ADGRL2: variants seen among roughly 807,000 people sequenced by gnomAD.
ADGRL2 encodes calcium-independent alpha-latrotoxin receptor 2.
A neutral mutation model predicts 157.4 loss-of-function variants in ADGRL2; 44 were observed. The ratio of observed to expected loss-of-function variants is 0.28; its 90% CI spans 0.22 to 0.36. The LOEUF (loss-of-function observed/expected upper bound fraction) is 0.36. Ranked by LOEUF, ADGRL2 falls within the 10% of genes least tolerant of loss-of-function variation. The pLI is 1.00. For missense variants in ADGRL2, 1,510 were observed against 1,768.9 expected (o/e 0.85, Z 2.63); for synonymous variants, 585 against 624.7 (o/e 0.94, Z 0.95).
intron 3 of ADGRL2, among the ~76,000 whole-genome samples, chr1:81,600,173 G>A (rs1036368277): frequency 6.6e-6 from 1 of 152,182 alleles, no homozygotes; most frequent in African/African-American, 2.4e-5. Context: ...TTGTACTTAA[G>A]ATGTCCAGCC....
intron 3 of ADGRL2, chr1:81,596,055 C>G (rs539734911): frequency 9.0e-6 from 3 of 332,054 alleles, no homozygotes; most frequent in East Asian, 1.4e-4. Context: ...ACCTAGTCAC[C>G]TACTGAAAGT....
At chr1:81,628,597 G>A (rs1424316328) in intron 3 of ADGRL2, among the ~76,000 whole-genome samples, 2 of 152,122 alleles carry the variant, frequency 1.3e-5, no homozygotes, top group Admixed American at 6.5e-5. Flanking sequence ...CCATGAGCAA[G>A]CCCTAAACTA....
intron 2 of ADGRL2, among the ~76,000 whole-genome samples, chr1:81,544,793 T>A (rs1388560527): frequency 6.6e-6 from 1 of 152,196 alleles, no homozygotes; most frequent in African/African-American, 2.4e-5. Flanking sequence ...TACATTTTTT[T>A]AAGCAAGATC....
intron 3 of ADGRL2, among the ~76,000 whole-genome samples, chr1:81,912,873 G>A (rs2094765163): frequency 6.6e-6 from 1 of 152,124 alleles, no homozygotes; most frequent in Admixed American, 6.6e-5. Context: ...GCCTTGCATA[G>A]ACCAGCAGGA....
chr1:81,753,459 G>A (rs1370558178), intron 1 of ADGRL2, among the ~76,000 whole-genome samples: 1 of 152,078 alleles, frequency 6.6e-6, no homozygotes, highest in Non-Finnish European at 1.5e-5. Context: ...ATGAGATTTG[G>A]GTGGAGACAC....
At chr1:81,968,971 T>A (rs994677186) in intron 14 of ADGRL2, among the ~76,000 whole-genome samples, 12 of 152,212 alleles carry the variant, frequency 7.9e-5, no homozygotes, top group Non-Finnish European at 1.6e-4. Flanking sequence ...CTCTCATAGA[T>A]CATTTTTTAA....
At chr1:81,444,790 T>A (rs917593594) in intron 1 of ADGRL2, among the ~76,000 whole-genome samples, 1 of 152,200 alleles carries the variant, frequency 6.6e-6, no homozygotes, top group Non-Finnish European at 1.5e-5. Context: ...GTTCCAGGAA[T>A]CGTTTTAGAT....
At chr1:81,406,557 C>A (rs577326305) in intron 1 of ADGRL2, among the ~76,000 whole-genome samples, 1 of 152,330 alleles carries the variant, frequency 6.6e-6, no homozygotes, top group South Asian at 2.1e-4. Context: ...ACGCAGCCAT[C>A]CATCCAGCCT....
At position 81,971,867 on chromosome 1, in the gene ADGRL2, T is replaced by C. The variant is rs777313427; in HGVS notation, c.2970T>C (p.Val990=). 5.0e-6 allele frequency: 8 copies of C among 1,608,606 alleles called. No individual in the cohort carries two copies. In the African/African-American group the frequency reaches 1.1e-4, roughly 22 times the overall value. ...TTCATAATAGTTGCTGGCTTCATGTTGATAACTACTTTATATGGAGCTTCA... is the reference window on the plus strand; with the variant it reads ...TTCATAATAGTTGCTGGCTTCATGTCGATAACTACTTTATATGGAGCTTCA... ...YGTEKACWLH[V]DNYFIWSFIG... The change falls in exon 17 of 24, where the codon GTT becomes GTC. Residue 990 remains valine (V), a synonymous_variant. Coordinates refer to ENST00000686636, the MANE Select transcript of ADGRL2 (RefSeq NM_001366006.2).
chr1:81,674,987 A>T (rs373051389), intron 3 of ADGRL2, among the ~76,000 whole-genome samples: 23 of 152,324 alleles, frequency 1.5e-4, no homozygotes, highest in African/African-American at 5.5e-4. Flanking sequence ...TCTCTTTTTC[A>T]TCCTTTTCCC....
chr1:81,746,859 C>T lies in ADGRL2; in HGVS notation c.-142-14952C>T, dbSNP rs181272849. Among the ~76,000 whole-genome samples, 38 of 131,194 alleles carry T rather than the reference C, an allele frequency of 2.9e-4. No individual in the cohort carries two copies. In the East Asian group the frequency reaches 4.0e-3, roughly 14 times the overall value. 86.1% of individuals were successfully genotyped at this position (131,194 alleles called of 152,430 possible). A position where few individuals can be genotyped will look rare whatever the true frequency, so the allele number is the denominator to read the frequency against. On this transcript the variant is annotated intron_variant, in intron 1 of 20. Coordinates refer to the ADGRL2 transcript ENST00000359929. ...ATACATGTATATACACACGTGCACA[C>T]GTATACACGTATATACACACGTGCA...
chr1:81,550,000 T>C (rs1307358147), intron 2 of ADGRL2, among the ~76,000 whole-genome samples: 1 of 152,196 alleles, frequency 6.6e-6, no homozygotes, highest in Non-Finnish European at 1.5e-5. Flanking sequence ...AATGAGCCCT[T>C]GATACCTAAT....
chr1:81,624,789 A>T (rs571213821), intron 3 of ADGRL2, among the ~76,000 whole-genome samples: 10 of 152,340 alleles, frequency 6.6e-5, no homozygotes, highest in African/African-American at 2.4e-4. Flanking sequence ...ACTGACTGTG[A>T]AGTATGGCAA....
At chr1:81,581,872 GCGCACA>G (rs1416194459) in intron 3 of ADGRL2, among the ~76,000 whole-genome samples, 1,799 of 85,216 alleles carry the variant, frequency 0.021, 21 homozygotes, top group East Asian at 0.051. Context: ...ACACACATGC[GCGCACA>G]CACACACACA....
intron 17 of ADGRL2, among the ~76,000 whole-genome samples, chr1:81,974,879 G>A (rs1023267433): frequency 2.0e-5 from 3 of 151,862 alleles, no homozygotes; most frequent in Non-Finnish European, 4.4e-5. Context: ...AATTATATTG[G>A]TGGGTTATTA....
In ADGRL2 at chr1:81,775,421, A is replaced by C. The variant is rs573232243; in HGVS notation, c.-101+13569A>C. ...AGGCAGATCTTCTGACTATACTTAG[A>C]CAACAAAAAGAAAAGTTGCTGAATA... On this transcript the variant is annotated intron_variant, in intron 2 of 20. Transcript: ENST00000359929. Among the ~76,000 whole-genome samples the C allele has an allele frequency of 5.9e-5, 9 of 152,264 alleles. No individual in the cohort carries two copies. In the South Asian group the frequency reaches 1.2e-3, roughly 21 times the overall value.
chr1:81,556,795 A>G (rs2080289785), intron 2 of ADGRL2, among the ~76,000 whole-genome samples: 1 of 151,936 alleles, frequency 6.6e-6, no homozygotes, highest in Non-Finnish European at 1.5e-5. Context: ...GAAGGGATGT[A>G]GGCCAGGCGC....
chr1:81,555,390 T>A (rs1343391496), intron 2 of ADGRL2, among the ~76,000 whole-genome samples: 1 of 149,568 alleles, frequency 6.7e-6, no homozygotes, highest in African/African-American at 2.5e-5. Context: ...TGCCTCAGCC[T>A]CCCAAGTAGC....
At chr1:81,915,788 C>T (rs1371486972) in intron 3 of ADGRL2, among the ~76,000 whole-genome samples, 4 of 152,214 alleles carry the variant, frequency 2.6e-5, no homozygotes, top group African/African-American at 9.6e-5. Flanking sequence ...GAAATAAGAT[C>T]AAAATCAATA....
Sources: allele counts gnomAD v4.1 joint callset (sites outside exome capture counted in the v4.1 genomes callset), GRCh38; gene constraint gnomAD v4.1.1; transcripts MANE v1.5; gene names NCBI Gene and HGNC (gene_info 2026-07-23, HGNC 2026-07-21).